ACSL1: variants seen among roughly 807,000 people sequenced by gnomAD.
The protein encoded by ACSL1 is long-chain-fatty-acid--CoA ligase 1.
ACSL1 carries 41 observed loss-of-function variants against 98.4 expected under a neutral mutation model. The observed-to-expected ratio is 0.42, with a 90% confidence interval of 0.32 to 0.54. The LOEUF is 0.54. Among genes scored for constraint, ACSL1 ranks in the 20% least tolerant of loss-of-function variants. The pLI is 0.13. For missense variants in ACSL1, 734 were observed against 883.1 expected, an observed-to-expected ratio of 0.83 and a Z score of 2.14; for synonymous variants, 316 against 322.7, an observed-to-expected ratio of 0.98 and a Z score of 0.22.
In ACSL1 at chr4:184,825,808, G is replaced by T. The variant is rs1282008093; in HGVS notation, c.-33+108C>A. On this transcript the variant is annotated intron_variant, in intron 1 of 20. Transcript: ENST00000281455. This position sits in a 1 kb window ranked among gnomAD's most constrained non-coding sequence, Gnocchi z 4.7. ...GGGTGGCTCACGCGCCTCCGCGGCG[G>T]CCGCTGCTCCGGGCTCGGCCCTGAA... 1 of 149,346 alleles carries T rather than the reference G, an allele frequency of 6.7e-6. No individual in the cohort carries two copies. The highest frequency in any genetic ancestry group is 6.7e-5 in the Admixed American group (1 of 15,034). The allele number at this position is 149,346 out of a possible 1,614,324, so 9.3% of individuals were successfully genotyped here.
intron 5 of ACSL1, among the ~76,000 whole-genome samples, chr4:184,779,003 G>T (rs573435679): frequency 6.6e-6 from 1 of 151,550 alleles, no homozygotes; most frequent in East Asian, 1.9e-4. Flanking sequence ...ACACAAGCAG[G>T]TATAAGAATA....
At chr4:184,808,305 T>C (rs778466055) in intron 1 of ACSL1, 172 of 985,196 alleles carry the variant, frequency 1.7e-4, no homozygotes, top group Non-Finnish European at 2.0e-4. Context: ...AACATTGTAT[T>C]CTCTTCATGT....
intron 11 of ACSL1, among the ~76,000 whole-genome samples, chr4:184,769,107 A>G (rs1764107438): frequency 6.7e-6 from 1 of 150,240 alleles, no homozygotes; most frequent in Non-Finnish European, 1.5e-5. Flanking sequence ...CCTTCCAGAA[A>G]CTTTACATTT....
At chr4:184,781,102 C>T (rs1579885666) in intron 4 of ACSL1, among the ~76,000 whole-genome samples, 1 of 151,760 alleles carries the variant, frequency 6.6e-6, no homozygotes, top group African/African-American at 2.4e-5. Context: ...GGCATGGTGG[C>T]GTGAAACTGT....
intron 11 of ACSL1, among the ~76,000 whole-genome samples, chr4:184,769,249 G>A (rs533479841): frequency 6.6e-6 from 1 of 152,196 alleles, no homozygotes; most frequent in East Asian, 1.9e-4. Flanking sequence ...TGACACCAGG[G>A]TATCTAATAC....
Position 184,757,542 on chromosome 4 carries a change from G to T in ACSL1, c.1956+93C>A. 8.3e-7 allele frequency: 1 copy of T among 1,209,530 alleles called. No homozygotes were observed. The highest frequency in any genetic ancestry group is 1.2e-6 in the Non-Finnish European group (1 of 849,874). The allele number at this position is 1,209,530 out of a possible 1,614,324, so 74.9% of individuals were successfully genotyped here. The stretch of plus-strand genomic sequence containing the variant: ...TATTTATTCCTCATGTATGTCTTTA[G>T]GTCACCCCATATGTTTATATAATCT... On this transcript the variant is annotated intron_variant, in intron 20 of 20. Transcript: ENST00000281455. The surrounding 1 kb of genome is among the most constrained non-coding windows in gnomAD (Gnocchi z 4.5).
At position 184,825,224 on chromosome 4, in the gene ACSL1, C is replaced by T. The variant is rs1773373813; in HGVS notation, c.-33+692G>A. On this transcript the variant is annotated intron_variant, in intron 1 of 20. Coordinates refer to ENST00000281455, the MANE Select transcript of ACSL1 (RefSeq NM_001995.5). This position sits in a 1 kb window ranked among gnomAD's most constrained non-coding sequence, Gnocchi z 4.7. ...CCACGTGTCCATTCAAGTCATCTAC[C>T]GCCACTCTCCGTCTACGCTGCCAGG... 1 of 985,288 alleles carries T rather than the reference C, an allele frequency of 1.0e-6. No homozygotes were observed. The highest frequency in any genetic ancestry group is 6.1e-5 in the Admixed American group (1 of 16,272). The allele number at this position is 985,288 out of a possible 1,614,324, so 61.0% of individuals were successfully genotyped here. A position where few individuals can be genotyped will look rare whatever the true frequency, so the allele number is the denominator to read the frequency against.
chr4:184,824,529 T>G (rs1773313454), intron 1 of ACSL1, among the ~76,000 whole-genome samples: 1 of 152,178 alleles, frequency 6.6e-6, no homozygotes, highest in Admixed American at 6.5e-5. Flanking sequence ...GCTAACAAGT[T>G]TATTTTTCTA....
intron 11 of ACSL1, 97 bp downstream of exon 11, chr4:184,770,302 G>A: frequency 6.4e-7 from 1 of 1,561,450 alleles, no homozygotes; most frequent in Non-Finnish European, 8.7e-7. Flanking sequence ...TATGAAATGT[G>A]TGTGTCACTG....
rs961925232 is a variant in ACSL1 at position 184,776,379 on chromosome 4, A to G, written c.756+105T>C. The G allele has an allele frequency of 3.8e-6, 5 of 1,304,440 alleles. No individual in the cohort carries two copies. In the African/African-American group the frequency reaches 6.0e-5, roughly 16 times the overall value. 80.8% of individuals were successfully genotyped at this position (1,304,440 alleles called of 1,614,324 possible). Reference sequence around the variant, plus strand: ...TCATGGGTTGCGGAGGCAACCGGCCAGCGCTGGGACTGCACCATAGCACTA... The same window carrying G: ...TCATGGGTTGCGGAGGCAACCGGCCGGCGCTGGGACTGCACCATAGCACTA... On this transcript the variant is annotated intron_variant, in intron 7 of 20. Coordinates refer to ENST00000281455, the MANE Select transcript of ACSL1 (RefSeq NM_001995.5).
rs745382280 is a variant in ACSL1, at chr4:184,757,658, A to C, written c.1933T>G (p.Ser645Ala). Residue 645 changes from serine to alanine, a missense_variant, in exon 20 of 21, where the codon TCT becomes GCT. Coordinates refer to ENST00000281455, the MANE Select transcript of ACSL1 (RefSeq NM_001995.5). This position sits in a 1 kb window ranked among gnomAD's most constrained non-coding sequence, Gnocchi z 4.5. ...LEDMVRLGKD[S>A]GLKPFEQVKG... ...ACCTGTTCAAATGGTTTCAGACCAG[A>C]ATCCTTCCCAAGTCTCACCATATCT... 2 of 1,614,126 alleles carry C rather than the reference A, an allele frequency of 1.2e-6. No individual in the cohort carries two copies. Among genetic ancestry groups the C allele is most frequent in the East Asian group, 4.5e-5 (2 of 44,870 alleles).
At chr4:184,814,957 T>C (rs1259080836) in intron 1 of ACSL1, 1 of 454,032 alleles carries the variant, frequency 2.2e-6, no homozygotes, top group East Asian at 7.0e-5. Context: ...CAACTCTCCT[T>C]AGTTCCTGAC....
intron 11 of ACSL1, among the ~76,000 whole-genome samples, 172 bp from the exon 12 acceptor site, chr4:184,768,622 C>A (rs1322297399): frequency 6.6e-6 from 1 of 152,104 alleles, no homozygotes; most frequent in East Asian, 1.9e-4. Context: ...CATTGTACAA[C>A]ATGGAAATGT....
Position 184,757,399 on chromosome 4 carries a change from C to A in ACSL1, c.1957-134G>T. ...TCTCATTTCAGCCAAGCTGCACCTTCTCAACAAAGGACAGGCATCCTATTC... is the reference window on the plus strand; with the variant it reads ...TCTCATTTCAGCCAAGCTGCACCTTATCAACAAAGGACAGGCATCCTATTC... On this transcript the variant is annotated intron_variant, in intron 20 of 20. Coordinates refer to ENST00000281455, the MANE Select transcript of ACSL1 (RefSeq NM_001995.5). This position sits in a 1 kb window ranked among gnomAD's most constrained non-coding sequence, Gnocchi z 4.5. 1 of 1,193,802 alleles carries A rather than the reference C, an allele frequency of 8.4e-7. No homozygotes were observed. 74.0% of individuals were successfully genotyped at this position (1,193,802 alleles called of 1,614,324 possible).
In ACSL1 at chr4:184,825,841, GTCAGCCGGCGCC is replaced by G. The variant is rs930681719; in HGVS notation, c.-33+63_-33+74del. ...TCCGGGCTCGGCCCTGAAGGGCAAC[GTCAGCCGGCGCC>G]TCGGCCGGGGCCCGGGCACCGCCGC... On this transcript the variant is annotated intron_variant, in intron 1 of 20. Transcript: ENST00000281455. This position sits in a 1 kb window ranked among gnomAD's most constrained non-coding sequence, Gnocchi z 4.7. The G allele has an allele frequency of 4.0e-5, 6 of 148,984 alleles. No homozygotes were observed. The highest frequency in any genetic ancestry group is 1.2e-4 in the African/African-American group (5 of 41,126). The allele number at this position is 148,984 out of a possible 1,614,324, so 9.2% of individuals were successfully genotyped here.
intron 18 of ACSL1, among the ~76,000 whole-genome samples, chr4:184,759,346 TTAAAC>T (rs1426645147): frequency 6.6e-6 from 1 of 152,162 alleles, no homozygotes; most frequent in Non-Finnish European, 1.5e-5. Flanking sequence ...TGGGATCTAA[TTAAAC>T]TAAACAGCTT....
intron 2 of ACSL1, among the ~76,000 whole-genome samples, chr4:184,795,405 G>A (rs1348178898): frequency 6.6e-6 from 1 of 152,210 alleles, no homozygotes; most frequent in Non-Finnish European, 1.5e-5. Context: ...GACATCATTT[G>A]TACAAAATCA....
chr4:184,814,113 AC>A (rs1181509431), intron 1 of ACSL1, among the ~76,000 whole-genome samples: 9 of 151,980 alleles, frequency 5.9e-5, no homozygotes, highest in African/African-American at 2.2e-4. Context: ...ACACGGTGAA[AC>A]CCCGTCTCTA....
intron 12 of ACSL1, chr4:184,767,916 T>C (rs1253526555): frequency 1.2e-5 from 3 of 260,218 alleles, no homozygotes; most frequent in African/African-American, 6.6e-5. Flanking sequence ...TGCAAGGAGC[T>C]TTACAATGAA....
Sources: allele counts gnomAD v4.1 joint callset (sites outside exome capture counted in the v4.1 genomes callset), GRCh38; gene constraint gnomAD v4.1.1; non-coding constraint Gnocchi (gnomAD v3.1); transcripts MANE v1.5; gene names NCBI Gene and HGNC (gene_info 2026-07-23, HGNC 2026-07-21).